Variants in DTNA observed in about 807,000 individuals in gnomAD.
DTNA encodes dystrobrevin alpha, also known as dystrophin-related protein 3.
DTNA carries 43 observed loss-of-function variants against 100.7 expected under a neutral mutation model. The observed-to-expected ratio is 0.43, with a 90% CI of 0.33 to 0.55. The LOEUF (loss-of-function observed/expected upper bound fraction) is 0.55. Ranked by LOEUF, DTNA falls within the 20% of genes least tolerant of loss-of-function variation. The pLI is 0.04. For missense variants in DTNA, 798 were observed against 953.9 expected, an observed-to-expected ratio of 0.84 and a Z score of 2.15; for synonymous variants, 349 against 347.9, an observed-to-expected ratio of 1.00 and a Z score of -0.04.
intron 1 of DTNA, among the ~76,000 whole-genome samples, chr18:34,615,174 G>A (rs2054999548): frequency 6.6e-6 from 1 of 152,132 alleles, no homozygotes; most frequent in Admixed American, 6.6e-5. Context: ...AGGCAAAGCA[G>A]GAGCAGGCAC....
intron 1 of DTNA, among the ~76,000 whole-genome samples, chr18:34,753,357 A>ATTTTTTTTTTTTT (rs869151386): frequency 5.0e-4 from 1 of 2,018 alleles, no homozygotes; most frequent in Non-Finnish European, 1.3e-3. Flanking sequence ...TTATTTATTT[A>ATTTTTTTTTTTTT]TTTATTTTAT....
intron 1 of DTNA, among the ~76,000 whole-genome samples, chr18:34,738,695 A>G (rs941708265): frequency 3.9e-5 from 6 of 152,094 alleles, no homozygotes; most frequent in African/African-American, 1.4e-4. Context: ...AGGATGTCTG[A>G]TAGAGGACAG....
intron 5 of DTNA, among the ~76,000 whole-genome samples, chr18:34,808,387 A>G (rs1248335867): frequency 6.6e-6 from 1 of 152,206 alleles, no homozygotes; most frequent in African/African-American, 2.4e-5. Flanking sequence ...AAGCCCTTAC[A>G]GCTCATCACC....
intron 1 of DTNA, among the ~76,000 whole-genome samples, chr18:34,519,106 T>C (rs1365457521): frequency 1.3e-5 from 2 of 152,112 alleles, no homozygotes; most frequent in Admixed American, 1.3e-4. Context: ...TCCAAAAGGA[T>C]AAAACAAGGA....
At chr18:34,621,044 GTAGA>G (rs1197761482) in intron 1 of DTNA, among the ~76,000 whole-genome samples, 1 of 151,636 alleles carries the variant, frequency 6.6e-6, no homozygotes, top group African/African-American at 2.4e-5. Flanking sequence ...GGGAAAATTG[GTAGA>G]TAGAATGTGA....
At chr18:34,614,883 T>A (rs1019386814) in intron 1 of DTNA, among the ~76,000 whole-genome samples, 5 of 152,236 alleles carry the variant, frequency 3.3e-5, no homozygotes, top group Non-Finnish European at 7.3e-5. Context: ...GAGGATTCGC[T>A]CCAATTTTGA....
At chr18:34,810,808 C>T (rs929203679) in intron 5 of DTNA, among the ~76,000 whole-genome samples, 5 of 152,050 alleles carry the variant, frequency 3.3e-5, no homozygotes, top group Non-Finnish European at 7.4e-5. Context: ...CTCTGTAGCC[C>T]ATAAATATGT....
intron 1 of DTNA, among the ~76,000 whole-genome samples, chr18:34,557,640 G>A (rs948777290): frequency 2.0e-4 from 31 of 151,652 alleles, no homozygotes; most frequent in Non-Finnish European, 5.9e-5. Context: ...TGAGGTGTCA[G>A]TGTGCCCCTG....
chr18:34,637,931 T>A (rs1267121881), intron 1 of DTNA, among the ~76,000 whole-genome samples: 1 of 152,254 alleles, frequency 6.6e-6, no homozygotes, highest in Non-Finnish European at 1.5e-5. Flanking sequence ...GTCTTTTCCA[T>A]GTGAACTTGT....
chr18:34,663,921 A>G (rs1286347278), intron 1 of DTNA, among the ~76,000 whole-genome samples: 2 of 152,216 alleles, frequency 1.3e-5, no homozygotes, highest in Non-Finnish European at 2.9e-5. Context: ...CTATTTTGTC[A>G]TAAAATCATA....
chr18:34,642,432 C>T (rs2059376193), intron 1 of DTNA, among the ~76,000 whole-genome samples: 1 of 152,188 alleles, frequency 6.6e-6, no homozygotes, highest in Non-Finnish European at 1.5e-5. Flanking sequence ...AATCTTACTA[C>T]CTTGGTAGAG....
chr18:34,548,833 T>C (rs961073549), intron 1 of DTNA, among the ~76,000 whole-genome samples: 1 of 152,128 alleles, frequency 6.6e-6, no homozygotes, highest in African/African-American at 2.4e-5. Context: ...TTTTGTCTTT[T>C]TAATGCTTGA....
intron 1 of DTNA, among the ~76,000 whole-genome samples, chr18:34,684,048 G>T (rs2078507557): frequency 6.6e-6 from 1 of 152,112 alleles, no homozygotes; most frequent in East Asian, 1.9e-4. Flanking sequence ...TGACATCAAA[G>T]ATAACTCAGG....
At chr18:34,765,888 T>C in intron 2 of DTNA, 73 bp from the exon 3 acceptor site, 1 of 1,464,988 alleles carries the variant, frequency 6.8e-7, no homozygotes, top group Admixed American at 1.8e-5. Flanking sequence ...TCTACAGTTG[T>C]TTTATTTGTA....
chr18:34,647,994 G>C (rs73414417), intron 1 of DTNA, among the ~76,000 whole-genome samples: 12 of 152,324 alleles, frequency 7.9e-5, no homozygotes, highest in Middle Eastern at 3.4e-3. Flanking sequence ...ATCAGGGAAG[G>C]TCTTTCTGAG....
At chr18:34,691,193 C>T (rs1181143840) in intron 1 of DTNA, among the ~76,000 whole-genome samples, 1 of 152,234 alleles carries the variant, frequency 6.6e-6, no homozygotes, top group African/African-American at 2.4e-5. Flanking sequence ...TGAACACTCA[C>T]TTTGAACAGA....
At chr18:34,656,831 C>T (rs1288892076) in intron 1 of DTNA, among the ~76,000 whole-genome samples, 1 of 151,900 alleles carries the variant, frequency 6.6e-6, no homozygotes, top group Non-Finnish European at 1.5e-5. Flanking sequence ...GTTAATAGTC[C>T]AATAGTCTAT....
At chr18:34,778,136 T>G in intron 3 of DTNA, among the ~76,000 whole-genome samples, 1 of 152,178 alleles carries the variant, frequency 6.6e-6, no homozygotes, top group Non-Finnish European at 1.5e-5. Flanking sequence ...TTTCCTAAGT[T>G]ATTTGGGAGA....
intron 1 of DTNA, among the ~76,000 whole-genome samples, chr18:34,617,505 G>A (rs1359334085): frequency 6.6e-6 from 1 of 152,088 alleles, no homozygotes; most frequent in Non-Finnish European, 1.5e-5. Flanking sequence ...GCTTTTTGAT[G>A]TGCTGCTGGA....
Sources: gnomAD v4.1 joint callset for allele counts (sites outside exome capture counted in the v4.1 genomes callset) on GRCh38, gnomAD v4.1.1 for gene constraint, MANE v1.5 for transcripts, NCBI Gene and HGNC (gene_info 2026-07-23, HGNC 2026-07-21) for gene names.